The following SLF1 variants were observed in gnomAD, a reference collection of about 807,000 sequenced individuals.
SLF1 encodes SMC5-SMC6 complex localization factor protein 1.
SLF1 carries 105 observed loss-of-function variants against 123.0 expected under a neutral mutation model. That is an observed-to-expected ratio of 0.85 (90% CI 0.73 to 1.00). The LOEUF is 1.00. Among genes scored for constraint, SLF1 ranks in the 50% least tolerant of loss-of-function variants. SLF1 has a pLI of 0.00. For synonymous variants in SLF1, 434 were observed against 406.6 expected (o/e 1.07, Z -0.81); for missense variants, 1,239 against 1,223.0 (o/e 1.01, Z -0.20).
chr5:94,633,139 C>T lies in SLF1; in HGVS notation c.431+2396C>T, dbSNP rs1585111621. On this transcript the variant is annotated intron_variant, in intron 4 of 20. Transcript: ENST00000265140. ...AGTAGCTGGGACCACAGGCATATGC[C>T]ATCACACCCGGCTAATTTTATATTT... Among the ~76,000 whole-genome samples the T allele has an allele frequency of 2.0e-5, 3 of 152,148 alleles. No individual in the cohort carries two copies. In the East Asian group the frequency reaches 5.8e-4, roughly 29 times the overall value.
intron 15 of SLF1, among the ~76,000 whole-genome samples, chr5:94,680,968 A>G (rs1585219412): frequency 1.3e-5 from 2 of 152,192 alleles, no homozygotes; most frequent in African/African-American, 4.8e-5. Context: ...AACATTCAAA[A>G]CTTTCGATGA....
chr5:94,668,333 G>C (rs1201297671), intron 12 of SLF1, among the ~76,000 whole-genome samples: 8 of 151,692 alleles, frequency 5.3e-5, no homozygotes, highest in Non-Finnish European at 1.2e-4. Context: ...TGTGGTTGTA[G>C]TTTGTTTGTT....
chr5:94,627,457 A>G (rs1447653396), intron 1 of SLF1, among the ~76,000 whole-genome samples: 12 of 151,844 alleles, frequency 7.9e-5, no homozygotes, highest in Admixed American at 7.9e-4. Context: ...CTAAACACAA[A>G]GTACTTTTTG....
chr5:94,671,510 C>T lies in SLF1; in HGVS notation c.1827+502C>T, dbSNP rs930330219. 5.9e-5 allele frequency among the ~76,000 whole-genome samples: 9 copies of T among 151,710 alleles called. No individual in the cohort carries two copies. In the South Asian group the frequency reaches 1.0e-3, roughly 18 times the overall value. On this transcript the variant is annotated intron_variant, in intron 14 of 20. Transcript: ENST00000265140. ...GTATTATCCATCTCAAGGATAATAG[C>T]GTATATAGCAACATAACTTTGGCAC...
At chr5:94,694,567 A>C (rs756303952) in intron 20 of SLF1, among the ~76,000 whole-genome samples, 2 of 151,808 alleles carry the variant, frequency 1.3e-5, no homozygotes, top group East Asian at 3.9e-4. Flanking sequence ...AAGTTTTATA[A>C]AAGTTTTTAT....
chr5:94,679,456 G>C (rs941858052), intron 15 of SLF1, among the ~76,000 whole-genome samples: 78 of 152,004 alleles, frequency 5.1e-4, no homozygotes, highest in African/African-American at 1.8e-3. Context: ...TTTGCTGGAC[G>C]TGGTCTATGC....
intron 14 of SLF1, among the ~76,000 whole-genome samples, chr5:94,674,144 C>T (rs1487461632): frequency 6.6e-6 from 1 of 151,892 alleles, no homozygotes; most frequent in Non-Finnish European, 1.5e-5. Flanking sequence ...GAAAATATTT[C>T]TTCATTATAG....
chr5:94,659,140 A>AT (rs1224419579), intron 9 of SLF1, among the ~76,000 whole-genome samples: 11 of 144,074 alleles, frequency 7.6e-5, no homozygotes, highest in Admixed American at 6.2e-4. Flanking sequence ...TCTGTTATAT[A>AT]TTTTTTTTCA....
At chr5:94,683,963 C>T (rs1224883425) in intron 15 of SLF1, among the ~76,000 whole-genome samples, 1 of 152,278 alleles carries the variant, frequency 6.6e-6, no homozygotes, top group African/African-American at 2.4e-5. Context: ...TTACAGTCCA[C>T]GGGCTAATTT....
intron 15 of SLF1, 146 bp from the exon 16 acceptor site, chr5:94,686,426 AT>A: frequency 1.2e-6 from 1 of 849,134 alleles, no homozygotes; most frequent in Non-Finnish European, 1.8e-6. Context: ...GATATGACCT[AT>A]TTTTTGTGGA....
At chr5:94,627,821 C>A (rs948669411) in intron 1 of SLF1, among the ~76,000 whole-genome samples, 1 of 150,714 alleles carries the variant, frequency 6.6e-6, no homozygotes, top group African/African-American at 2.4e-5. Flanking sequence ...AAGCTCTTAG[C>A]GAACAACAGT....
chr5:94,654,653 T>C lies in SLF1; in HGVS notation c.1056T>C (p.Phe352=). 6.5e-7 allele frequency: 1 copy of C among 1,539,320 alleles called. No individual in the cohort carries two copies. The highest frequency in any genetic ancestry group is 8.8e-7 in the Non-Finnish European group (1 of 1,141,638). The change falls in exon 9 of 21, where the codon TTT becomes TTC. Residue 352 remains phenylalanine (F), a synonymous_variant. Transcript: ENST00000265140. ...AGAAAGAAATGAAGAATTCTATTTT[T>C]GCTGAATATGCCAAAGAATCAAAAG... ...RDQKEMKNSI[F]AEYAKESKAM...
Position 94,630,614 on chromosome 5 carries a change from C to T in SLF1, c.302C>T (p.Ser101Leu). 1 of 1,551,684 alleles carries T rather than the reference C, an allele frequency of 6.4e-7. No individual in the cohort carries two copies. Among genetic ancestry groups the T allele is most frequent in the Non-Finnish European group, 8.7e-7 (1 of 1,146,994 alleles). The change falls in exon 4 of 21, where the codon TCA (serine) becomes TTA (leucine). Residue 101 changes from serine (S) to leucine (L), a missense_variant. Coordinates refer to ENST00000265140, the MANE Select transcript of SLF1 (RefSeq NM_032290.4). ...AAAATTGAAAAAGATTCCCGTTATT[C>T]ACCTCAAATGCAATCTGCACCTAAA... Reference protein sequence around the residue: ...GYKIEKDSRYSPQMQSAPKRW... With the variant: ...GYKIEKDSRYLPQMQSAPKRW...
chr5:94,678,065 T>G (rs1030314164), intron 14 of SLF1, among the ~76,000 whole-genome samples: 2 of 151,952 alleles, frequency 1.3e-5, no homozygotes, highest in African/African-American at 4.8e-5. Context: ...GGACTGCAGG[T>G]GCCCGCCACC....
chr5:94,654,258 A>T (rs1748106294), intron 8 of SLF1, among the ~76,000 whole-genome samples: 1 of 152,138 alleles, frequency 6.6e-6, no homozygotes, highest in African/African-American at 2.4e-5. Context: ...GATAAAGGTA[A>T]ATAAGTAATG....
intron 12 of SLF1, 140 bp from the exon 13 acceptor site, chr5:94,670,007 ATATT>A (rs1750262835): frequency 5.6e-6 from 4 of 714,950 alleles, no homozygotes; most frequent in Non-Finnish European, 8.6e-6. Context: ...AGGAAGAAAT[ATATT>A]CATAAAATTT....
intron 14 of SLF1, among the ~76,000 whole-genome samples, chr5:94,677,922 T>C (rs937890393): frequency 4.1e-5 from 5 of 121,742 alleles, no homozygotes; most frequent in African/African-American, 1.8e-4. Context: ...TAAAATGATA[T>C]ACTTTTTTTT....
intron 4 of SLF1, among the ~76,000 whole-genome samples, chr5:94,631,010 A>AG (rs1745138516): frequency 1.3e-5 from 2 of 152,236 alleles, no homozygotes; most frequent in Middle Eastern, 3.4e-3. Flanking sequence ...AAAACAAAAA[A>AG]GGAAAACTAA....
chr5:94,649,348 T>A (rs151224403), intron 5 of SLF1, 106 bp from the exon 6 acceptor site: 1 of 956,946 alleles, frequency 1.0e-6, no homozygotes, highest in African/African-American at 1.7e-5. Flanking sequence ...TTTTACCTAC[T>A]TGTTTGACTA....
Sources: gnomAD v4.1 joint callset for allele counts (sites outside exome capture counted in the v4.1 genomes callset) on GRCh38, gnomAD v4.1.1 for gene constraint, MANE v1.5 for transcripts, NCBI Gene and HGNC (gene_info 2026-07-23, HGNC 2026-07-21) for gene names.